Variants in TMEM114 observed in about 807,000 individuals in gnomAD.
TMEM114 encodes the protein transmembrane protein 114.
TMEM114 carries 6 observed loss-of-function variants against 6.2 expected under a neutral mutation model. The observed-to-expected ratio is 0.97, with a 90% CI of 0.53 to 1.91. The LOEUF (loss-of-function observed/expected upper bound fraction) is 1.91, where lower values mean the gene tolerates loss of function less well. Ranked by LOEUF, TMEM114 falls within the 40% of genes most tolerant of loss-of-function variation. The probability of loss-of-function intolerance (pLI) is 0.01; values close to 1 mark genes in which losing one functional copy is unlikely to be tolerated. For synonymous variants in TMEM114, 104 were observed against 73.0 expected (o/e 1.42, Z -2.16); for missense variants, 218 against 158.3 (o/e 1.38, Z -2.02).
intron 2 of TMEM114, among the ~76,000 whole-genome samples, chr16:8,553,123 A>T (rs1172889610): frequency 6.6e-6 from 1 of 152,198 alleles, no homozygotes; most frequent in Non-Finnish European, 1.5e-5. Context: ...GATGGAGATG[A>T]CAGGAGAGCA....
intron 2 of TMEM114, among the ~76,000 whole-genome samples, chr16:8,586,832 A>G (rs1902337787): frequency 6.6e-6 from 1 of 152,166 alleles, no homozygotes; most frequent in Non-Finnish European, 1.5e-5. Flanking sequence ...TTCTTGAAAC[A>G]GTGCTTCAAA....
At chr16:8,582,776 G>C (rs1334456611) in intron 2 of TMEM114, among the ~76,000 whole-genome samples, 2 of 152,190 alleles carry the variant, frequency 1.3e-5, no homozygotes, top group African/African-American at 2.4e-5. Flanking sequence ...TGTGGTCCCA[G>C]CTACTCAGAA....
chr16:8,549,248 C>G (rs971306125), intron 2 of TMEM114, among the ~76,000 whole-genome samples: 10 of 146,760 alleles, frequency 6.8e-5, no homozygotes. Flanking sequence ...ACCTATAATC[C>G]TAGCACTTTG....
downstream of TMEM114, among the ~76,000 whole-genome samples, chr16:8,534,275 C>T (rs761314067): frequency 1.3e-5 from 2 of 151,648 alleles, no homozygotes; most frequent in African/African-American, 4.8e-5. Flanking sequence ...CAAAGGCGAC[C>T]GGAGGACTCG....
chr16:8,561,564 C>T (rs147587175), intron 2 of TMEM114, among the ~76,000 whole-genome samples: 3 of 152,276 alleles, frequency 2.0e-5, no homozygotes, highest in Admixed American at 6.5e-5. Context: ...GCACATCAGG[C>T]ATCAAAGAAG....
intron 2 of TMEM114, among the ~76,000 whole-genome samples, chr16:8,577,992 C>G (rs1272230432): frequency 6.6e-6 from 1 of 152,148 alleles, no homozygotes; most frequent in African/African-American, 2.4e-5. Context: ...GACACCTCAT[C>G]GAACAAGGCC....
intron 2 of TMEM114, among the ~76,000 whole-genome samples, chr16:8,582,846 C>A (rs1452713309): frequency 6.6e-6 from 1 of 152,012 alleles, no homozygotes; most frequent in East Asian, 1.9e-4. Flanking sequence ...CTGCAGTGAT[C>A]TCAGATCTCA....
chr16:8,541,959 C>T (rs1263278541), intron 2 of TMEM114, among the ~76,000 whole-genome samples: 1 of 152,136 alleles, frequency 6.6e-6, no homozygotes, highest in Non-Finnish European at 1.5e-5. Context: ...AGCACAGTGG[C>T]CCCATATGAA....
At chr16:8,554,827 T>C (rs1013331477) in intron 2 of TMEM114, among the ~76,000 whole-genome samples, 1 of 152,178 alleles carries the variant, frequency 6.6e-6, no homozygotes, top group Non-Finnish European at 1.5e-5. Flanking sequence ...TAGGCACTGA[T>C]GTTAGTGCTG....
intron 2 of TMEM114, among the ~76,000 whole-genome samples, chr16:8,563,227 G>A (rs1163673394): frequency 1.3e-5 from 2 of 151,764 alleles, no homozygotes; most frequent in African/African-American, 4.9e-5. Flanking sequence ...ATAAGTAAGT[G>A]AATGAGTGAG....
At chr16:8,586,472 C>T (rs555739411) in intron 2 of TMEM114, among the ~76,000 whole-genome samples, 1 of 152,082 alleles carries the variant, frequency 6.6e-6, no homozygotes, top group South Asian at 2.1e-4. Context: ...ACATGACCCT[C>T]ATCTCCCTCA....
At chr16:8,585,953 G>T (rs534728868) in intron 2 of TMEM114, among the ~76,000 whole-genome samples, 10 of 152,322 alleles carry the variant, frequency 6.6e-5, no homozygotes, top group African/African-American at 2.4e-4. Flanking sequence ...AGGACTGAGG[G>T]TGAACGAGTG....
intron 2 of TMEM114, 170 bp from the exon 3 acceptor site, chr16:8,572,394 T>A: frequency 1.4e-6 from 1 of 727,144 alleles, no homozygotes; most frequent in Non-Finnish European, 2.3e-6. Flanking sequence ...ATGACAACAG[T>A]GGTTGAGGCT....
intron 2 of TMEM114, among the ~76,000 whole-genome samples, chr16:8,584,414 C>A (rs1355794197): frequency 6.6e-6 from 1 of 152,208 alleles, no homozygotes; most frequent in East Asian, 1.9e-4. Flanking sequence ...AAACCCACGA[C>A]TTCCCCAGAG....
At chr16:8,582,658 G>C (rs959359204) in intron 2 of TMEM114, among the ~76,000 whole-genome samples, 10 of 152,170 alleles carry the variant, frequency 6.6e-5, no homozygotes, top group African/African-American at 2.4e-4. Flanking sequence ...GGGAGGCCGA[G>C]GCGGGTGGAT....
At chr16:8,562,810 A>T (rs12921062) in intron 2 of TMEM114, among the ~76,000 whole-genome samples, 10 of 121,002 alleles carry the variant, frequency 8.3e-5, no homozygotes, top group African/African-American at 2.3e-4. Context: ...ATGAGTGAGT[A>T]AATGAGTGAG....
chr16:8,572,050 A>G lies in TMEM114; in HGVS notation c.439+37T>C, dbSNP rs918788988. 1.0e-5 allele frequency: 15 copies of G among 1,489,852 alleles called. No homozygotes were observed. The African/African-American group carries it at 2.1e-4, about 21-fold the overall frequency. 92.3% of individuals were successfully genotyped at this position (1,489,852 alleles called of 1,614,324 possible). A position where few individuals can be genotyped will look rare whatever the true frequency, so the allele number is the denominator to read the frequency against. On this transcript the variant is annotated intron_variant, in intron 3 of 3. Coordinates refer to ENST00000620492, the MANE Select transcript of TMEM114 (RefSeq NM_001146336.2). ...ACAGTACCCATTGCCCAACCCCCAG[A>G]CCACAAGCCAGAGCCCTAGGCAGGG...
rs1280635929 is a variant in TMEM114, at chr16:8,562,916, GTAAA to G, written n.213-25094_213-25091del. Among the ~76,000 whole-genome samples, 496 of 59,662 alleles carry G rather than the reference GTAAA, an allele frequency of 8.3e-3. 15 individuals carry two copies. Among genetic ancestry groups the G allele is most frequent in the African/African-American group, 0.024 (472 of 19,364 alleles). The allele number at this position is 59,662 out of a possible 152,430, so 39.1% of individuals were successfully genotyped here. A position where few individuals can be genotyped will look rare whatever the true frequency, so the allele number is the denominator to read the frequency against. Reference sequence around the variant, plus strand: ...AATGAGTGAATGAGTGAGTGAATGAGTAAATGAGTGAGTGAGTGAATTAGTGAGT... The same window carrying G: ...AATGAGTGAATGAGTGAGTGAATGAGTGAGTGAGTGAGTGAATTAGTGAGT... On this transcript the variant is annotated intron_variant and non_coding_transcript_variant, in intron 2 of 2. Transcript: ENST00000623677.
chr16:8,564,654 T>G (rs1306645248), downstream of TMEM114, among the ~76,000 whole-genome samples: 1 of 139,772 alleles, frequency 7.2e-6, no homozygotes, highest in Non-Finnish European at 1.6e-5. Context: ...AGTAAATGAG[T>G]GAGTGAGGGA....
Sources: gnomAD v4.1 joint callset for allele counts (sites outside exome capture counted in the v4.1 genomes callset) on GRCh38, gnomAD v4.1.1 for gene constraint, MANE v1.5 for transcripts, NCBI Gene and HGNC (gene_info 2026-07-23, HGNC 2026-07-21) for gene names.